The following KHDRBS3 variants were observed in gnomAD, a reference collection of about 807,000 sequenced individuals.
KHDRBS3 encodes KH domain-containing, RNA-binding, signal transduction-associated protein 3.
KHDRBS3 carries 23 observed loss-of-function variants against 45.6 expected under a neutral mutation model. That is an observed-to-expected ratio of 0.50 (90% CI 0.36 to 0.72). KHDRBS3 has a LOEUF of 0.72. Ranked by LOEUF, KHDRBS3 falls within the 30% of genes least tolerant of loss-of-function variation. KHDRBS3 has a pLI of 0.00. For synonymous variants in KHDRBS3, 162 were observed against 156.5 expected, an observed-to-expected ratio of 1.04 and a Z score of -0.26; for missense variants, 352 against 424.8, an observed-to-expected ratio of 0.83 and a Z score of 1.51.
chr8:135,600,610 C>A (rs893916397), intron 6 of KHDRBS3, among the ~76,000 whole-genome samples: 1 of 152,188 alleles, frequency 6.6e-6, no homozygotes, highest in African/African-American at 2.4e-5. Context: ...GCCTTGCTCA[C>A]AAGTGCACGG....
chr8:135,461,324 C>T (rs1211318158), intron 1 of KHDRBS3, among the ~76,000 whole-genome samples: 5 of 152,020 alleles, frequency 3.3e-5, no homozygotes, highest in Admixed American at 3.3e-4. Flanking sequence ...AGGCTGGTCT[C>T]GAACTCCTGA....
At chr8:135,586,176 T>C (rs988377769) in intron 6 of KHDRBS3, among the ~76,000 whole-genome samples, 31 of 152,146 alleles carry the variant, frequency 2.0e-4, no homozygotes, top group African/African-American at 7.0e-4. Context: ...AACCACCTAC[T>C]ATGATCTCTA....
At chr8:135,542,802 T>C (rs749468145) in intron 3 of KHDRBS3, 32 bp downstream of exon 3, 11 of 1,361,658 alleles carry the variant, frequency 8.1e-6, no homozygotes, top group African/African-American at 1.4e-5. Context: ...GGCTAAGTTG[T>C]GTATCATGTT....
chr8:135,499,583 T>C (rs1823630026), intron 1 of KHDRBS3, among the ~76,000 whole-genome samples: 1 of 152,248 alleles, frequency 6.6e-6, no homozygotes, highest in Non-Finnish European at 1.5e-5. Context: ...TATAAAATCT[T>C]AGATACGGGA....
rs80180188 is a variant in KHDRBS3, at chr8:135,562,494, A to G, written c.611+4907A>G. 7.0e-3 allele frequency among the ~76,000 whole-genome samples: 1,067 copies of G among 152,340 alleles called. 10 individuals carry two copies. The highest frequency in any genetic ancestry group is 0.024 in the African/African-American group (1,010 of 41,574). On this transcript the variant is annotated intron_variant, in intron 5 of 8. Transcript: ENST00000355849. The stretch of plus-strand genomic sequence containing the variant: ...AAAAACACCTAAGGAGCTGTTCCTT[A>G]GAAGGTATCCTCATAGCTAAGCGAC...
At chr8:135,544,453 A>G (rs1826190457) in intron 3 of KHDRBS3, among the ~76,000 whole-genome samples, 1 of 152,178 alleles carries the variant, frequency 6.6e-6, no homozygotes, top group African/African-American at 2.4e-5. Context: ...GGCCTTCCAG[A>G]TGATATTGTC....
intron 7 of KHDRBS3, among the ~76,000 whole-genome samples, chr8:135,612,252 A>G (rs1025182159): frequency 2.0e-5 from 3 of 151,880 alleles, no homozygotes; most frequent in African/African-American, 7.3e-5. Flanking sequence ...TTTCCCATAT[A>G]CAGTATTCAA....
At chr8:135,557,056 T>A (rs2130830031) in intron 4 of KHDRBS3, among the ~76,000 whole-genome samples, 1 of 152,324 alleles carries the variant, frequency 6.6e-6, no homozygotes, top group South Asian at 2.1e-4. Flanking sequence ...TGCTGGGCTA[T>A]GGCTTAATTC....
chr8:135,617,868 G>A (rs1352997385), intron 7 of KHDRBS3, among the ~76,000 whole-genome samples: 1 of 152,138 alleles, frequency 6.6e-6, no homozygotes, highest in Non-Finnish European at 1.5e-5. Context: ...GCAATAAAAA[G>A]TTGTTAAAGG....
chr8:135,538,908 G>C (rs1163176630), intron 2 of KHDRBS3: 1 of 151,980 alleles, frequency 6.6e-6, no homozygotes. Flanking sequence ...CTAGCTTGAA[G>C]GATTTTTTCT....
intron 6 of KHDRBS3, among the ~76,000 whole-genome samples, chr8:135,594,816 G>C (rs558943822): frequency 1.3e-5 from 2 of 152,282 alleles, no homozygotes; most frequent in East Asian, 3.9e-4. Context: ...AGCCACTTTG[G>C]AAAAATGTCT....
intron 7 of KHDRBS3, among the ~76,000 whole-genome samples, chr8:135,640,653 A>G (rs1170390369): frequency 6.6e-6 from 1 of 152,116 alleles, no homozygotes; most frequent in African/African-American, 2.4e-5. Context: ...GACCCGTTGT[A>G]ACGGGGTGGG....
At chr8:135,528,024 G>A (rs1289791854) in intron 2 of KHDRBS3, among the ~76,000 whole-genome samples, 1 of 152,102 alleles carries the variant, frequency 6.6e-6, no homozygotes, top group Non-Finnish European at 1.5e-5. Context: ...TGATTCTCAA[G>A]GTTTAGTGTG....
chr8:135,470,827 C>T (rs1821979990), intron 1 of KHDRBS3, among the ~76,000 whole-genome samples: 1 of 152,152 alleles, frequency 6.6e-6, no homozygotes, highest in Non-Finnish European at 1.5e-5. Context: ...CTCAGGTGAT[C>T]TGCTTGCCTC....
chr8:135,634,200 C>T (rs916674648), intron 7 of KHDRBS3, among the ~76,000 whole-genome samples: 4 of 152,192 alleles, frequency 2.6e-5, no homozygotes, highest in African/African-American at 9.7e-5. Context: ...AGTCCTACTT[C>T]CCACTGTTTT....
intron 5 of KHDRBS3, among the ~76,000 whole-genome samples, chr8:135,576,792 AG>A (rs1415919965): frequency 6.6e-5 from 10 of 152,232 alleles, no homozygotes; most frequent in Non-Finnish European, 1.5e-4. Flanking sequence ...CAGCTGACAT[AG>A]AATGGACATA....
In KHDRBS3 at chr8:135,583,410, G is replaced by A. The variant is rs1339750874; in HGVS notation, c.807+1337G>A. 2.0e-5 allele frequency among the ~76,000 whole-genome samples: 3 copies of A among 152,268 alleles called. No individual in the cohort carries two copies. In the South Asian group the frequency reaches 6.2e-4, roughly 32 times the overall value. ...AGATGACAATAATAATTATGCCTCAGCTCTTCCATAAATGCTGAGTCTCCT... is the reference window on the plus strand; with the variant it reads ...AGATGACAATAATAATTATGCCTCAACTCTTCCATAAATGCTGAGTCTCCT... On this transcript the variant is annotated intron_variant, in intron 6 of 8. Transcript: ENST00000355849.
intron 1 of KHDRBS3, among the ~76,000 whole-genome samples, chr8:135,501,784 C>G (rs1007749688): frequency 2.0e-5 from 3 of 151,940 alleles, no homozygotes; most frequent in African/African-American, 7.3e-5. Flanking sequence ...TCAGAGAAGT[C>G]TTGTCCTTGC....
intron 6 of KHDRBS3, among the ~76,000 whole-genome samples, chr8:135,597,486 G>A (rs560983634): frequency 3.3e-5 from 5 of 151,974 alleles, no homozygotes; most frequent in South Asian, 4.1e-4. Flanking sequence ...GCTCCCTCAC[G>A]GCTTTCACAT....
Sources: gnomAD v4.1 joint callset for allele counts (sites outside exome capture counted in the v4.1 genomes callset) on GRCh38, gnomAD v4.1.1 for gene constraint, MANE v1.5 for transcripts, NCBI Gene and HGNC (gene_info 2026-07-23, HGNC 2026-07-21) for gene names.